Variants in LRMDA observed in about 807,000 individuals in gnomAD.
The protein encoded by LRMDA is leucine rich melanocyte differentiation associated.
Under a neutral mutation model 29.8 loss-of-function variants are expected in LRMDA, and 18 were observed. The ratio of observed to expected loss-of-function variants is 0.60; its 90% CI spans 0.42 to 0.90. The LOEUF (loss-of-function observed/expected upper bound fraction) is 0.90, where lower values mean the gene tolerates loss of function less well. Among genes scored for constraint, LRMDA ranks in the 40% least tolerant of loss-of-function variants. The pLI is 0.00. For synonymous variants in LRMDA, 125 were observed against 109.4 expected, an observed-to-expected ratio of 1.14 and a Z score of -0.89; for missense variants, 273 against 273.9, an observed-to-expected ratio of 1.00 and a Z score of 0.02.
At chr10:76,357,020 C>A (rs921084675) in intron 6 of LRMDA, among the ~76,000 whole-genome samples, 1 of 152,042 alleles carries the variant, frequency 6.6e-6, no homozygotes, top group East Asian at 1.9e-4. Flanking sequence ...AAAGGTACAA[C>A]AAGATGTGAG....
At chr10:76,278,067 G>T (rs60367982) in intron 5 of LRMDA, among the ~76,000 whole-genome samples, 10,795 of 152,202 alleles carry the variant, frequency 0.071, 1,007 homozygotes, top group African/African-American at 0.21. Flanking sequence ...AGAATGCCTA[G>T]ATAAAGTTTG....
At chr10:76,288,411 G>C (rs866701284) in intron 5 of LRMDA, among the ~76,000 whole-genome samples, 8 of 152,152 alleles carry the variant, frequency 5.3e-5, no homozygotes, top group South Asian at 2.1e-4. Flanking sequence ...CAGTAGACTG[G>C]ATAAAGAAAA....
At chr10:76,446,291 G>A (rs1336273407) in intron 6 of LRMDA, among the ~76,000 whole-genome samples, 1 of 152,098 alleles carries the variant, frequency 6.6e-6, no homozygotes, top group East Asian at 1.9e-4. Context: ...CTACACAGAT[G>A]ATCATTTCCA....
intron 5 of LRMDA, among the ~76,000 whole-genome samples, chr10:76,259,363 T>C (rs535381794): frequency 6.4e-4 from 97 of 152,264 alleles, no homozygotes; most frequent in Admixed American, 1.6e-3. Context: ...TTTCCATATA[T>C]TCATACAGTT....
chr10:75,596,230 C>G (rs1345961344), intron 2 of LRMDA, among the ~76,000 whole-genome samples: 1 of 152,190 alleles, frequency 6.6e-6, no homozygotes, highest in Non-Finnish European at 1.5e-5. Context: ...ATATCACTTG[C>G]CCAATGTTAC....
chr10:75,431,684 C>CCCGCGCTCCGT lies in LRMDA; in HGVS notation c.-39_-38insGCGCTCCGTCC, dbSNP rs1844197158. 3.9e-6 allele frequency: 5 copies of CCCGCGCTCCGT among 1,272,424 alleles called. No individual in the cohort carries two copies. The highest frequency in any genetic ancestry group is 4.9e-6 in the Non-Finnish European group (5 of 1,015,940). The allele number at this position is 1,272,424 out of a possible 1,614,324, so 78.8% of individuals were successfully genotyped here. A position where few individuals can be genotyped will look rare whatever the true frequency, so the allele number is the denominator to read the frequency against. On this transcript the variant is annotated 5_prime_UTR_variant, in exon 1 of 7. Transcript: ENST00000611255. ...GCGCTCCCCGCTGCTGCCGCCGCGCCCCCGCGCTCCGTCCCGCGCGCCCGC... is the reference window on the plus strand; with the variant it reads ...GCGCTCCCCGCTGCTGCCGCCGCGCCCCGCGCTCCGTCCCGCGCTCCGTCCCGCGCGCCCGC...
rs559026448 is a variant in LRMDA, at chr10:75,748,627, A to C, written c.132-287381A>C. On this transcript the variant is annotated intron_variant, in intron 2 of 6. Transcript: ENST00000611255. ...TGACCATCATCTAGCTCGAGATGGT[A>C]CTGTGTTTGCTCCGTTATGATTACA... Among the ~76,000 whole-genome samples the C allele has an allele frequency of 2.6e-5, 4 of 152,310 alleles. No individual in the cohort carries two copies. In the South Asian group the frequency reaches 6.2e-4, roughly 24 times the overall value.
intron 2 of LRMDA, among the ~76,000 whole-genome samples, chr10:75,645,065 C>G (rs867049285): frequency 6.6e-6 from 1 of 152,022 alleles, no homozygotes; most frequent in African/African-American, 2.4e-5. Context: ...TCACTGCAAC[C>G]TCCGCCTCTT....
At chr10:75,616,848 AG>A in intron 2 of LRMDA, among the ~76,000 whole-genome samples, 1 of 152,248 alleles carries the variant, frequency 6.6e-6, no homozygotes, top group Non-Finnish European at 1.5e-5. Context: ...GGATTTAGAA[AG>A]GCTAGAATAT....
At chr10:76,445,881 CTGAATA>C (rs138801662) in intron 6 of LRMDA, among the ~76,000 whole-genome samples, 2,712 of 152,236 alleles carry the variant, frequency 0.018, 84 homozygotes, top group African/African-American at 0.061. Flanking sequence ...CCCAATTCAA[CTGAATA>C]TGAAAAAGTG....
intron 5 of LRMDA, among the ~76,000 whole-genome samples, chr10:76,302,024 T>A (rs1419547823): frequency 6.6e-6 from 1 of 152,212 alleles, no homozygotes; most frequent in African/African-American, 2.4e-5. Context: ...TATCTGCATA[T>A]TTTTAGCCCC....
At position 76,308,342 on chromosome 10, in the gene LRMDA, A is replaced by G. The variant is rs149047044; in HGVS notation, c.517-16059A>G. ...GAGAATTTGTCATAGCAGCGATCTC[A>G]CAAGCATATCTTGAAGGTTTTCCTG... On this transcript the variant is annotated intron_variant, in intron 5 of 6. Coordinates refer to ENST00000611255, the MANE Select transcript of LRMDA (RefSeq NM_001305581.2). Among the ~76,000 whole-genome samples the G allele has an allele frequency of 2.0e-3, 297 of 152,294 alleles. 2 individuals are homozygous for G. The highest frequency in any genetic ancestry group is 6.4e-3 in the African/African-American group (267 of 41,564).
At chr10:75,910,234 T>C (rs1026820094) in intron 2 of LRMDA, among the ~76,000 whole-genome samples, 7 of 152,180 alleles carry the variant, frequency 4.6e-5, no homozygotes, top group African/African-American at 1.7e-4. Context: ...AGCCCTCTGG[T>C]GGTCAAAGTA....
intron 2 of LRMDA, among the ~76,000 whole-genome samples, chr10:75,472,695 G>T (rs145321723): frequency 7.2e-4 from 109 of 152,294 alleles, no homozygotes; most frequent in Middle Eastern, 3.4e-3. Context: ...CATGTATATG[G>T]TGTATGCTTT....
rs1299552073 is a variant in LRMDA at position 75,573,528 on chromosome 10, C to A, written c.131+135034C>A. On this transcript the variant is annotated intron_variant, in intron 2 of 6. Transcript: ENST00000611255. ...CTGGATCATTTTTTTCAGTTTTAGC[C>A]TATGATTCACAAATTCTCCTTTCAG... Among the ~76,000 whole-genome samples the A allele has an allele frequency of 2.0e-5, 3 of 152,066 alleles. No individual in the cohort carries two copies. In the East Asian group the frequency reaches 5.8e-4, roughly 29 times the overall value.
intron 2 of LRMDA, among the ~76,000 whole-genome samples, chr10:75,512,678 C>T (rs567602588): frequency 1.9e-4 from 29 of 152,114 alleles, no homozygotes; most frequent in Admixed American, 1.2e-3. Context: ...ATGAAATGGG[C>T]GGAGGAGCAG....
In LRMDA at chr10:75,697,477, G is replaced by C. The variant is rs74147184; in HGVS notation, c.131+258983G>C. ...CAAATGATGTTCACTTTAGACCAGG[G>C]TAGACCTTCCTGTTAGAGGAGCATT... On this transcript the variant is annotated intron_variant, in intron 2 of 6. Transcript: ENST00000611255. Among the ~76,000 whole-genome samples, 662 of 151,632 alleles carry C rather than the reference G, an allele frequency of 4.4e-3. 3 individuals are homozygous for C. Among genetic ancestry groups the C allele is most frequent in the African/African-American group, 0.015 (621 of 41,302 alleles).
chr10:76,076,121 G>A (rs1334210660), intron 5 of LRMDA, among the ~76,000 whole-genome samples: 74 of 151,952 alleles, frequency 4.9e-4, no homozygotes, highest in Middle Eastern at 3.4e-3. Flanking sequence ...AGGTGGGTGG[G>A]TCACGAGGTC....
At chr10:75,790,659 A>C (rs938038694) in intron 2 of LRMDA, among the ~76,000 whole-genome samples, 1 of 152,240 alleles carries the variant, frequency 6.6e-6, no homozygotes. Context: ...GTTTTCAAAG[A>C]ATCATGCACA....
Sources: gnomAD v4.1 joint callset for allele counts (sites outside exome capture counted in the v4.1 genomes callset) on GRCh38, gnomAD v4.1.1 for gene constraint, MANE v1.5 for transcripts, NCBI Gene and HGNC (gene_info 2026-07-23, HGNC 2026-07-21) for gene names.